FYTTD1: variants seen among roughly 807,000 people sequenced by gnomAD.
The protein encoded by FYTTD1 is forty-two-three domain containing 1, also known as UAP56-interacting factor.
Under a neutral mutation model 40.9 loss-of-function variants are expected in FYTTD1, and 22 were observed. The observed-to-expected ratio is 0.54, with a 90% CI of 0.38 to 0.77. FYTTD1 has a LOEUF of 0.77. Ranked by LOEUF, FYTTD1 falls within the 30% of genes least tolerant of loss-of-function variation. FYTTD1 has a pLI of 0.00. For synonymous variants in FYTTD1, 140 were observed against 137.9 expected (o/e 1.01, Z -0.10); for missense variants, 351 against 392.2 (o/e 0.90, Z 0.89).
intron 4 of FYTTD1, among the ~76,000 whole-genome samples, chr3:197,772,543 G>C (rs1022018411): frequency 9.2e-5 from 14 of 152,102 alleles, no homozygotes; most frequent in African/African-American, 3.1e-4. Context: ...AAAAAGAATT[G>C]GTGACAGTCA....
At chr3:197,766,928 T>C (rs76851784) in intron 2 of FYTTD1, among the ~76,000 whole-genome samples, 6 of 152,138 alleles carry the variant, frequency 3.9e-5, no homozygotes, top group African/African-American at 1.2e-4. Context: ...TTAAAATATA[T>C]GTATACAAGT....
chr3:197,778,986 T>C (rs1729950183), intron 8 of FYTTD1, among the ~76,000 whole-genome samples: 1 of 152,196 alleles, frequency 6.6e-6, no homozygotes, highest in Non-Finnish European at 1.5e-5. Context: ...TAGAAGAGTC[T>C]GTGCTACAGC....
At chr3:197,773,788 G>A (rs1364729877) in intron 5 of FYTTD1, among the ~76,000 whole-genome samples, 1 of 144,636 alleles carries the variant, frequency 6.9e-6, no homozygotes, top group Non-Finnish European at 1.5e-5. Flanking sequence ...AGAATAGCGT[G>A]GGCCCCTCTG....
intron 6 of FYTTD1, among the ~76,000 whole-genome samples, chr3:197,775,260 G>T (rs890710559): frequency 6.6e-5 from 10 of 152,032 alleles, no homozygotes; most frequent in Non-Finnish European, 1.3e-4. Flanking sequence ...ATTTTATCCT[G>T]TTATAATCAC....
At chr3:197,769,455 G>T (rs1409033158) in intron 3 of FYTTD1, among the ~76,000 whole-genome samples, 1 of 152,180 alleles carries the variant, frequency 6.6e-6, no homozygotes, top group African/African-American at 2.4e-5. Flanking sequence ...CTTAATAGAA[G>T]AATCCAGATA....
At chr3:197,777,380 C>T (rs1421811154) in intron 7 of FYTTD1, among the ~76,000 whole-genome samples, 1 of 152,120 alleles carries the variant, frequency 6.6e-6, no homozygotes, top group African/African-American at 2.4e-5. Context: ...CCTCAGCCTC[C>T]CGAGTCCTGA....
chr3:197,778,401 T>G lies in FYTTD1; in HGVS notation c.795T>G (p.Ser265Arg). ...CATTTTTAACAAAGCGGGAGCAAAG[T>G]GACGTCAAGAAAGTTCCTAAAGGTG... ...VPSFLTKREQ[S>R]DVKKVPKGVP... The change falls in exon 8 of 9, where the codon AGT becomes AGG. Residue 265 changes from serine to arginine, a missense_variant. Ser to Arg is a moderately radical substitution (Grantham distance 110). Coordinates refer to ENST00000241502, the MANE Select transcript of FYTTD1 (RefSeq NM_032288.7). The G allele has an allele frequency of 6.2e-7, 1 of 1,611,946 alleles. No homozygotes were observed. The highest frequency in any genetic ancestry group is 8.5e-7 in the Non-Finnish European group (1 of 1,178,220).
upstream of FYTTD1, chr3:197,749,576 A>G: frequency 7.8e-7 from 1 of 1,284,954 alleles, no homozygotes; most frequent in Middle Eastern, 2.1e-4. Flanking sequence ...GTACCGAAGT[A>G]TAGGGGACCT....
At position 197,783,445 on chromosome 3, in the gene FYTTD1, A is replaced by G. The variant is rs1410018199; in HGVS notation, c.*1536A>G. 6.6e-6 allele frequency: 1 copy of G among 152,580 alleles called. No individual in the cohort carries two copies. Among genetic ancestry groups the G allele is most frequent in the African/African-American group, 2.4e-5 (1 of 41,416 alleles). 9.5% of individuals were successfully genotyped at this position (152,580 alleles called of 1,614,324 possible). On this transcript the variant is annotated 3_prime_UTR_variant, in exon 9 of 9. Coordinates refer to ENST00000241502, the MANE Select transcript of FYTTD1 (RefSeq NM_032288.7). The stretch of plus-strand genomic sequence containing the variant: ...GCTTCATGGTTTATGCTCGCCATGG[A>G]AAGCTATCAGTAACAGTTTCATGCT...
intron 2 of FYTTD1, among the ~76,000 whole-genome samples, chr3:197,765,961 A>G (rs138889198): frequency 2.0e-5 from 3 of 152,162 alleles, no homozygotes; most frequent in African/African-American, 7.2e-5. Context: ...ACACCACTGC[A>G]CTCCAGCCTG....
chr3:197,751,859 TA>T (rs1729067621), intron 1 of FYTTD1, among the ~76,000 whole-genome samples: 1 of 151,988 alleles, frequency 6.6e-6, no homozygotes, highest in African/African-American at 2.4e-5. Flanking sequence ...GACTAAGCAT[TA>T]AATTAAATTA....
rs1246764773 is a variant in FYTTD1 at position 197,786,916 on chromosome 3, A to G, written c.*5007A>G. 1.3e-5 allele frequency: 2 copies of G among 151,860 alleles called. No homozygotes were observed. Among genetic ancestry groups the G allele is most frequent in the South Asian group, 2.1e-4 (1 of 4,822 alleles). 9.4% of individuals were successfully genotyped at this position (151,860 alleles called of 1,614,324 possible). A position where few individuals can be genotyped will look rare whatever the true frequency, so the allele number is the denominator to read the frequency against. On this transcript the variant is annotated 3_prime_UTR_variant, in exon 9 of 9. Transcript: ENST00000241502. ...CGGGTTCAAGCAATTCTTGTCCCTCAGCCTCGTAAGTAGGTGGGATTACAA... is the reference window on the plus strand; with the variant it reads ...CGGGTTCAAGCAATTCTTGTCCCTCGGCCTCGTAAGTAGGTGGGATTACAA...
Position 197,749,905 on chromosome 3 carries a change from A to T in FYTTD1, c.-67A>T. ...CTCGGTGCGGCGGGCTGCGTGCGCG[A>T]GTGGGAGGTGGCAGGCCTGCGACTC... On this transcript the variant is annotated 5_prime_UTR_variant, in exon 1 of 9. Transcript: ENST00000241502. 1.0e-6 allele frequency: 1 copy of T among 992,300 alleles called. No homozygotes were observed. Among genetic ancestry groups the T allele is most frequent in the Non-Finnish European group, 1.4e-6 (1 of 702,004 alleles). 61.5% of individuals were successfully genotyped at this position (992,300 alleles called of 1,614,324 possible).
intron 2 of FYTTD1, among the ~76,000 whole-genome samples, chr3:197,759,004 CGTATAGAGTTGTTCTTCAGTGGTAGAAT>C (rs1729287440): frequency 6.6e-6 from 1 of 151,438 alleles, no homozygotes; most frequent in African/African-American, 2.4e-5. Flanking sequence ...AGTGGTAGAG[CGTATAGAGTTGTTCTTCAGTGGTAGAAT>C]GTATAGAGTT....
intron 2 of FYTTD1, among the ~76,000 whole-genome samples, chr3:197,759,629 T>C (rs111311148): frequency 5.7e-4 from 87 of 151,470 alleles, no homozygotes; most frequent in African/African-American, 1.7e-3. Flanking sequence ...AGAGTTGTTC[T>C]TCAGTGGTAG....
rs546612505 is a variant in FYTTD1 at position 197,782,567 on chromosome 3, T to G, written c.*658T>G. 4 of 152,314 alleles carry G rather than the reference T, an allele frequency of 2.6e-5. No homozygotes were observed. In the South Asian group the frequency reaches 6.2e-4, roughly 24 times the overall value. 9.4% of individuals were successfully genotyped at this position (152,314 alleles called of 1,614,324 possible). A position where few individuals can be genotyped will look rare whatever the true frequency, so the allele number is the denominator to read the frequency against. On this transcript the variant is annotated 3_prime_UTR_variant, in exon 9 of 9. Coordinates refer to ENST00000241502, the MANE Select transcript of FYTTD1 (RefSeq NM_032288.7). ...AATGTTGGTGTTTAGAGACTGTAAA[T>G]GCATATTCACAAAGTTATCTGATAG...
intron 8 of FYTTD1, among the ~76,000 whole-genome samples, chr3:197,780,030 G>A (rs150104814): frequency 0.027 from 3,045 of 114,326 alleles, 174 homozygotes; most frequent in African/African-American, 0.096. Flanking sequence ...ACCTGGGGAT[G>A]CAGGCACACA....
intron 2 of FYTTD1, among the ~76,000 whole-genome samples, chr3:197,765,594 G>T (rs1047262012): frequency 3.3e-5 from 5 of 152,136 alleles, no homozygotes; most frequent in African/African-American, 1.2e-4. Flanking sequence ...AGCCGTGGTG[G>T]CTCACGCCTG....
chr3:197,774,496 A>G lies in FYTTD1; in HGVS notation c.656+286A>G, dbSNP rs1729813198. ...GCAGCATAGCTCGATGCCACTGCAC[A>G]CCAGCCTGAGCAGCATAACTTGATT... On this transcript the variant is annotated intron_variant, in intron 6 of 8. Transcript: ENST00000241502. 2.0e-5 allele frequency among the ~76,000 whole-genome samples: 3 copies of G among 150,508 alleles called. No homozygotes were observed. In the South Asian group the frequency reaches 6.3e-4, roughly 32 times the overall value.
Sources: gnomAD v4.1 joint callset for allele counts (sites outside exome capture counted in the v4.1 genomes callset) on GRCh38, gnomAD v4.1.1 for gene constraint, MANE v1.5 for transcripts, NCBI Gene and HGNC (gene_info 2026-07-23, HGNC 2026-07-21) for gene names.